Variants in RIMS2 observed in about 807,000 individuals in gnomAD.
RIMS2 encodes the protein regulating synaptic membrane exocytosis 2.
Under a neutral mutation model 174.4 loss-of-function variants are expected in RIMS2, and 59 were observed. The ratio of observed to expected loss-of-function variants is 0.34; its 90% CI spans 0.27 to 0.42. RIMS2 has a LOEUF of 0.42. Ranked by LOEUF, RIMS2 falls within the 10% of genes least tolerant of loss-of-function variation. RIMS2 has a pLI of 1.00. For synonymous variants in RIMS2, 606 were observed against 572.5 expected (o/e 1.06, Z -0.84); for missense variants, 1,620 against 1,666.3 (o/e 0.97, Z 0.48).
intron 4 of RIMS2, among the ~76,000 whole-genome samples, chr8:103,908,167 G>A (rs1270822015): frequency 1.3e-5 from 2 of 152,020 alleles, no homozygotes; most frequent in South Asian, 2.1e-4. Flanking sequence ...TCAGCCTCCC[G>A]AATAGCTTGG....
At position 104,071,734 on chromosome 8, in the gene RIMS2, C is replaced by T. The variant is rs372920614; in HGVS notation, c.3334+57119C>T. On this transcript the variant is annotated intron_variant, in intron 19 of 23. Transcript: ENST00000504942. Reference sequence around the variant, plus strand: ...TACAGGCATGAGCCACCACGCCCGGCCGGGTCCCTGTGTTTTAACAAGTCT... The same window carrying T: ...TACAGGCATGAGCCACCACGCCCGGTCGGGTCCCTGTGTTTTAACAAGTCT... Among the ~76,000 whole-genome samples the T allele has an allele frequency of 6.1e-4, 93 of 152,162 alleles. 1 individual carries two copies. The South Asian group carries it at 0.012, about 20-fold the overall frequency.
At chr8:104,145,554 G>A (rs1005773560) in intron 19 of RIMS2, among the ~76,000 whole-genome samples, 1 of 151,694 alleles carries the variant, frequency 6.6e-6, no homozygotes, top group African/African-American at 2.4e-5. Flanking sequence ...GGCTGAGCGT[G>A]GTGGCTCACA....
At chr8:103,579,658 G>GT (rs2093484115) in intron 1 of RIMS2, among the ~76,000 whole-genome samples, 1 of 152,114 alleles carries the variant, frequency 6.6e-6, no homozygotes, top group African/African-American at 2.4e-5. Flanking sequence ...CCTATAAGAT[G>GT]TTTTTTATAA....
At chr8:103,917,537 G>A (rs949069121) in intron 8 of RIMS2, among the ~76,000 whole-genome samples, 6 of 151,960 alleles carry the variant, frequency 3.9e-5, no homozygotes, top group African/African-American at 1.2e-4. Context: ...TCATATTTTT[G>A]TTTAATATTT....
intron 19 of RIMS2, among the ~76,000 whole-genome samples, chr8:104,157,355 A>G (rs1461225645): frequency 6.6e-6 from 1 of 152,186 alleles, no homozygotes; most frequent in African/African-American, 2.4e-5. Context: ...TTTTTCTTCT[A>G]AAAAACATAT....
chr8:103,901,716 G>A (rs2073168747), intron 4 of RIMS2, among the ~76,000 whole-genome samples: 1 of 151,914 alleles, frequency 6.6e-6, no homozygotes, highest in Non-Finnish European at 1.5e-5. Flanking sequence ...AGAATATGTT[G>A]GTAATACCAA....
chr8:103,947,500 G>A (rs1227326847), intron 14 of RIMS2, among the ~76,000 whole-genome samples: 5 of 152,230 alleles, frequency 3.3e-5, no homozygotes, highest in East Asian at 3.9e-4. Flanking sequence ...AAACCTGTAC[G>A]AGCATGTTAC....
chr8:103,945,176 G>T (rs1595604662), intron 14 of RIMS2, among the ~76,000 whole-genome samples: 1 of 152,016 alleles, frequency 6.6e-6, no homozygotes, highest in East Asian at 1.9e-4. Flanking sequence ...CCCCTTTGGG[G>T]AATTACATTG....
chr8:104,035,863 A>C (rs2096502923), intron 19 of RIMS2, among the ~76,000 whole-genome samples: 1 of 152,038 alleles, frequency 6.6e-6, no homozygotes, highest in Non-Finnish European at 1.5e-5. Flanking sequence ...TAATTGAAAA[A>C]ATTTATGTAA....
chr8:104,064,446 A>G (rs899079240), intron 19 of RIMS2, among the ~76,000 whole-genome samples: 4 of 152,094 alleles, frequency 2.6e-5, no homozygotes, highest in African/African-American at 9.7e-5. Flanking sequence ...CTAAAGTAGA[A>G]TAAAGGTCTT....
intron 1 of RIMS2, among the ~76,000 whole-genome samples, chr8:103,637,053 A>C (rs2096103675): frequency 6.6e-6 from 1 of 152,104 alleles, no homozygotes; most frequent in African/African-American, 2.4e-5. Flanking sequence ...GTTTCTTCTA[A>C]AGGGCTAGTG....
Position 104,142,120 on chromosome 8 carries a change from C to T in RIMS2, c.3335-102796C>T, listed in dbSNP as rs1340987484. Among the ~76,000 whole-genome samples, 13 of 131,972 alleles carry T rather than the reference C, an allele frequency of 9.9e-5. 1 individual carries two copies. Among genetic ancestry groups the T allele is most frequent in the African/African-American group, 2.0e-4 (7 of 34,962 alleles). The allele number at this position is 131,972 out of a possible 152,430, so 86.6% of individuals were successfully genotyped here. On this transcript the variant is annotated intron_variant, in intron 19 of 23. Transcript: ENST00000504942. ...TGTTTATTTCAAAGTAAATATCTTCCTTTTTTTTTTTTTTTTTCTTTTTGC... is the reference window on the plus strand; with the variant it reads ...TGTTTATTTCAAAGTAAATATCTTCTTTTTTTTTTTTTTTTTTCTTTTTGC...
intron 16 of RIMS2, 141 bp downstream of exon 18, chr8:103,975,647 C>T (rs1388381676): frequency 1.8e-6 from 1 of 565,258 alleles, no homozygotes; most frequent in Non-Finnish European, 3.0e-6. Flanking sequence ...AGACAAAGTC[C>T]CACCATAGAA....
chr8:103,780,624 G>T (rs1174055352), intron 3 of RIMS2, among the ~76,000 whole-genome samples: 10 of 151,968 alleles, frequency 6.6e-5, no homozygotes, highest in Non-Finnish European at 1.5e-5. Context: ...AAATTTCTCA[G>T]ATGAATTCCT....
intron 19 of RIMS2, among the ~76,000 whole-genome samples, chr8:104,044,469 T>A (rs1318215954): frequency 6.6e-6 from 1 of 151,112 alleles, no homozygotes. Flanking sequence ...AAGGACTTGG[T>A]TGGGAGAATT....
intron 1 of RIMS2, among the ~76,000 whole-genome samples, chr8:103,688,813 A>G (rs2096974691): frequency 6.6e-6 from 1 of 150,692 alleles, no homozygotes; most frequent in African/African-American, 2.4e-5. Context: ...AACAACTCTT[A>G]GTTTTATCTT....
chr8:104,000,237 CAT>C (rs2095325026), intron 17 of RIMS2, among the ~76,000 whole-genome samples: 1 of 151,706 alleles, frequency 6.6e-6, no homozygotes. Flanking sequence ...TGGTAACTAC[CAT>C]TCTATTCACT....
rs2097712468 is a variant in RIMS2 at position 103,738,221 on chromosome 8, T to A, written c.388-28006T>A. Among the ~76,000 whole-genome samples the A allele has an allele frequency of 3.3e-5, 5 of 152,252 alleles. 1 individual carries two copies. In the South Asian group the frequency reaches 1.0e-3, roughly 32 times the overall value. The stretch of plus-strand genomic sequence containing the variant: ...ATAAGAAAAAGGACATAAAATGAGA[T>A]CATCATTTTATTAAGTTATTGTATA... On this transcript the variant is annotated intron_variant, in intron 2 of 23. Transcript: ENST00000504942.
intron 1 of RIMS2, among the ~76,000 whole-genome samples, chr8:103,588,325 A>G (rs1056946546): frequency 1.3e-5 from 2 of 151,598 alleles, no homozygotes; most frequent in Non-Finnish European, 3.0e-5. Flanking sequence ...TCTACCCAAA[A>G]CAATACAACC....
Sources: gnomAD v4.1 joint callset for allele counts (sites outside exome capture counted in the v4.1 genomes callset) on GRCh38, gnomAD v4.1.1 for gene constraint, MANE v1.5 for transcripts, NCBI Gene and HGNC (gene_info 2026-07-23, HGNC 2026-07-21) for gene names.